Variants in RAB6B observed in about 807,000 individuals in gnomAD.
RAB6B encodes RAB6B, member RAS oncogene family.
In RAB6B, 7 loss-of-function variants were observed where a neutral mutation model predicts 31.2. The ratio of observed to expected loss-of-function variants is 0.22; its 90% CI spans 0.13 to 0.42. The LOEUF is 0.42. Ranked by LOEUF, RAB6B falls within the 10% of genes least tolerant of loss-of-function variation. The pLI is 1.00. For missense variants in RAB6B, 149 were observed against 280.6 expected (o/e 0.53, Z 3.35); for synonymous variants, 105 against 104.9 (o/e 1.00, Z -0.01).
At chr3:133,881,363 G>A (rs571392598) in intron 1 of RAB6B, among the ~76,000 whole-genome samples, 2 of 152,188 alleles carry the variant, frequency 1.3e-5, no homozygotes, top group Non-Finnish European at 1.5e-5. Context: ...TATCTCTTTC[G>A]GTGCACAGCC....
chr3:133,839,181 T>C (rs1213671936), intron 5 of RAB6B, among the ~76,000 whole-genome samples: 1 of 152,232 alleles, frequency 6.6e-6, no homozygotes, highest in Non-Finnish European at 1.5e-5. Flanking sequence ...AGAGGACTGC[T>C]GTGTCTGGGG....
intron 2 of RAB6B, among the ~76,000 whole-genome samples, chr3:133,841,901 G>A (rs760745405): frequency 3.3e-5 from 5 of 152,206 alleles, no homozygotes; most frequent in African/African-American, 7.2e-5. Flanking sequence ...TCTGGAGAGG[G>A]CAAGTGCTTC....
chr3:133,883,196 G>C (rs905897667), intron 1 of RAB6B, among the ~76,000 whole-genome samples: 1 of 152,204 alleles, frequency 6.6e-6, no homozygotes, highest in Non-Finnish European at 1.5e-5. Context: ...GGGAGGAAGA[G>C]ACAAAGCTCA....
chr3:133,882,815 C>T (rs1559913459), intron 1 of RAB6B, among the ~76,000 whole-genome samples: 1 of 152,184 alleles, frequency 6.6e-6, no homozygotes, highest in Non-Finnish European at 1.5e-5. Flanking sequence ...GTGCTATCCT[C>T]TTCTGATGAA....
At position 133,841,763 on chromosome 3, in the gene RAB6B, C is replaced by T. The variant is rs146521230; in HGVS notation, c.130-100G>A. ...TGGTGGCATAACCAGCAAGAGGGGA[C>T]GCTCATGTCAGGTCTAATGTGGCCA... On this transcript the variant is annotated intron_variant, in intron 2 of 7. Transcript: ENST00000285208. The T allele has an allele frequency of 1.2e-4, 145 of 1,193,082 alleles. 1 individual carries two copies. Among genetic ancestry groups the T allele is most frequent in the Admixed American group, 1.1e-3 (62 of 54,444 alleles). The allele number at this position is 1,193,082 out of a possible 1,614,324, so 73.9% of individuals were successfully genotyped here. A position where few individuals can be genotyped will look rare whatever the true frequency, so the allele number is the denominator to read the frequency against.
intron 1 of RAB6B, among the ~76,000 whole-genome samples, chr3:133,887,337 T>C (rs890693740): frequency 3.9e-5 from 6 of 152,150 alleles, no homozygotes; most frequent in Non-Finnish European, 7.4e-5. Context: ...CTCCCCCACA[T>C]TGTGCCCCCA....
At chr3:133,865,858 T>C (rs1553748045) in intron 1 of RAB6B, among the ~76,000 whole-genome samples, 1 of 152,150 alleles carries the variant, frequency 6.6e-6, no homozygotes, top group Non-Finnish European at 1.5e-5. Flanking sequence ...TGCACTCAGC[T>C]CCCAGCAGCC....
chr3:133,834,423 G>T (rs1935701506), intron 7 of RAB6B, 152 bp downstream of exon 7: 4 of 794,148 alleles, frequency 5.0e-6, no homozygotes, highest in Non-Finnish European at 8.6e-6. Flanking sequence ...GGGTTCAGCT[G>T]CATCCCGCCT....
At chr3:133,855,294 G>T (rs183371781) in intron 2 of RAB6B, among the ~76,000 whole-genome samples, 2 of 152,270 alleles carry the variant, frequency 1.3e-5, no homozygotes, top group East Asian at 1.9e-4. Context: ...AATGCGCCCT[G>T]GGGGAGGGGA....
intron 2 of RAB6B, among the ~76,000 whole-genome samples, chr3:133,855,990 C>T (rs142709519): frequency 6.6e-6 from 1 of 151,998 alleles, no homozygotes; most frequent in South Asian, 2.1e-4. Flanking sequence ...GCTTTTTCTG[C>T]CTTGAATGTG....
intron 7 of RAB6B, among the ~76,000 whole-genome samples, chr3:133,834,365 T>C (rs1935700185): frequency 6.6e-6 from 1 of 152,156 alleles, no homozygotes; most frequent in Non-Finnish European, 1.5e-5. Flanking sequence ...CCTGCTATTC[T>C]GGAAGAAGAA....
At chr3:133,884,684 C>T (rs1460778386) in intron 1 of RAB6B, among the ~76,000 whole-genome samples, 4 of 152,074 alleles carry the variant, frequency 2.6e-5, no homozygotes, top group Non-Finnish European at 4.4e-5. Context: ...GACCAGAGGA[C>T]GGGGGTGCTC....
At position 133,838,230 on chromosome 3, in the gene RAB6B, C is replaced by A. The variant is rs749807184; in HGVS notation, c.431G>T (p.Arg144Leu). 2 of 1,614,046 alleles carry A rather than the reference C, an allele frequency of 1.2e-6. No homozygotes were observed. Among genetic ancestry groups the A allele is most frequent in the African/African-American group, 1.3e-5 (1 of 74,910 alleles). Residue 144 changes from arginine (R) to leucine (L), a missense_variant, in exon 6 of 8, where the codon CGC (arginine) becomes CTC (leucine). Coordinates refer to ENST00000285208, the MANE Select transcript of RAB6B (RefSeq NM_016577.4). ...RQITIEEGEQRAKELSVMFIE... is the reference protein window; with the variant it reads ...RQITIEEGEQLAKELSVMFIE... ...GAACATGACGCTCAGTTCTTTGGCG[C>A]GCTGCTCCCCCTCCTCGATGGTTAT...
intron 1 of RAB6B, among the ~76,000 whole-genome samples, chr3:133,870,696 T>C (rs767436085): frequency 2.0e-5 from 3 of 152,212 alleles, no homozygotes; most frequent in Non-Finnish European, 2.9e-5. Flanking sequence ...TTCATAATTG[T>C]CAGAGCAAAA....
intron 2 of RAB6B, among the ~76,000 whole-genome samples, chr3:133,855,504 A>G (rs1936062259): frequency 6.6e-6 from 1 of 152,196 alleles, no homozygotes; most frequent in South Asian, 2.1e-4. Flanking sequence ...ATTTTAAATA[A>G]GGTTAAATTT....
chr3:133,864,081 C>T (rs902976682), intron 2 of RAB6B, among the ~76,000 whole-genome samples: 10 of 150,738 alleles, frequency 6.6e-5, no homozygotes, highest in Non-Finnish European at 1.0e-4. Context: ...GCAAGCTCAT[C>T]GCACCAGCCT....
At position 133,880,235 on chromosome 3, in the gene RAB6B, A is replaced by C. The variant is rs550486344; in HGVS notation, c.70+15162T>G. The stretch of plus-strand genomic sequence containing the variant: ...TTTGGCAAAGTAATGTATATGCTTT[A>C]ATACCCAAGGCTTATATACCCAAGG... On this transcript the variant is annotated intron_variant, in intron 1 of 7. Transcript: ENST00000285208. Among the ~76,000 whole-genome samples, 8 of 152,364 alleles carry C rather than the reference A, an allele frequency of 5.3e-5. No individual in the cohort carries two copies. In the South Asian group the frequency reaches 1.0e-3, roughly 20 times the overall value.
At chr3:133,857,486 C>T (rs1018346289) in intron 2 of RAB6B, among the ~76,000 whole-genome samples, 3 of 149,754 alleles carry the variant, frequency 2.0e-5, no homozygotes, top group African/African-American at 2.5e-5. Flanking sequence ...TCCTCCTTGG[C>T]GTGTGCCCTC....
chr3:133,893,213 C>T (rs1350954475), intron 1 of RAB6B, among the ~76,000 whole-genome samples: 1 of 152,236 alleles, frequency 6.6e-6, no homozygotes, highest in Non-Finnish European at 1.5e-5. Flanking sequence ...TGGGGAGGCT[C>T]CCCAGTTGTT....
Sources: gnomAD v4.1 joint callset for allele counts (sites outside exome capture counted in the v4.1 genomes callset) on GRCh38, gnomAD v4.1.1 for gene constraint, MANE v1.5 for transcripts, NCBI Gene and HGNC (gene_info 2026-07-23, HGNC 2026-07-21) for gene names.